GRIK1: variants seen among roughly 807,000 people sequenced by gnomAD.
GRIK1 encodes glutamate receptor ionotropic, kainate 1.
Under a neutral mutation model 105.7 loss-of-function variants are expected in GRIK1, and 69 were observed. That is an observed-to-expected ratio of 0.65 (90% CI 0.54 to 0.80). The LOEUF (loss-of-function observed/expected upper bound fraction) is 0.80, where lower values mean the gene tolerates loss of function less well. GRIK1 is among the 30% of genes least tolerant of loss of function. The pLI is 0.00. For missense variants in GRIK1, 1,109 were observed against 1,167.3 expected (o/e 0.95, Z 0.73); for synonymous variants, 438 against 431.3 (o/e 1.02, Z -0.19).
At chr21:29,917,432 A>G (rs954943408) in intron 1 of GRIK1, among the ~76,000 whole-genome samples, 7 of 152,044 alleles carry the variant, frequency 4.6e-5, no homozygotes, top group African/African-American at 1.7e-4. Flanking sequence ...GACATTTTAA[A>G]CATAACAATT....
intron 1 of GRIK1, chr21:29,763,487 A>T (rs1172694666): frequency 6.6e-6 from 1 of 152,382 alleles, no homozygotes; most frequent in Admixed American, 6.5e-5. Context: ...TGGTCAAATT[A>T]TTTGAGGAGT....
intron 1 of GRIK1, among the ~76,000 whole-genome samples, chr21:29,931,621 A>G (rs778746238): frequency 6.6e-6 from 1 of 152,152 alleles, no homozygotes; most frequent in Non-Finnish European, 1.5e-5. Flanking sequence ...TTCCAGCACT[A>G]TAAGATCCTC....
At chr21:29,770,035 G>A (rs771789994) in intron 1 of GRIK1, among the ~76,000 whole-genome samples, 1 of 152,172 alleles carries the variant, frequency 6.6e-6, no homozygotes, top group Non-Finnish European at 1.5e-5. Context: ...TCAACGTCCA[G>A]ATAAATTCCC....
At chr21:29,932,358 T>A (rs1163441958) in intron 1 of GRIK1, among the ~76,000 whole-genome samples, 1 of 152,160 alleles carries the variant, frequency 6.6e-6, no homozygotes, top group Non-Finnish European at 1.5e-5. Flanking sequence ...TTGTGACTAA[T>A]CTTACCTTAG....
At chr21:29,711,972 A>G (rs1009715399) in intron 1 of GRIK1, among the ~76,000 whole-genome samples, 8 of 151,902 alleles carry the variant, frequency 5.3e-5, no homozygotes, top group Non-Finnish European at 1.0e-4. Context: ...TCTAGTACCT[A>G]GAGAGTTACT....
chr21:29,560,364 TCTTCCTTC>T (rs376778152), intron 15 of GRIK1, among the ~76,000 whole-genome samples: 589 of 35,866 alleles, frequency 0.016, 69 homozygotes, highest in Middle Eastern at 0.061. Flanking sequence ...TCTTTTTCTT[TCTTCCTTC>T]CTTCCTTCCT....
chr21:29,537,817 TG>T lies in GRIK1; in HGVS notation c.2674del (p.Gln892LysfsTer5). 6.6e-7 allele frequency: 1 copy of T among 1,522,018 alleles called. No individual in the cohort carries two copies. Among genetic ancestry groups the T allele is most frequent in the Non-Finnish European group, 9.1e-7 (1 of 1,097,296 alleles). 94.3% of individuals were successfully genotyped at this position (1,522,018 alleles called of 1,614,324 possible). A position where few individuals can be genotyped will look rare whatever the true frequency, so the allele number is the denominator to read the frequency against. On this transcript the variant is annotated frameshift_variant, in exon 17 of 18. Transcript: ENST00000327783. LOFTEE classifies it high-confidence loss of function. ...ACAAACCTTCTCTACACCAAGGCTT[TG>T]TTTTTTTCTCCCATGAAACCTTACT... ...NKVRFHGRKKQSLGVEKCLSF... is the reference protein window; with the variant it reads ...NKVRFHGRKKXSLGVEKCLSF...
intron 1 of GRIK1, among the ~76,000 whole-genome samples, chr21:29,883,331 T>C (rs1185270981): frequency 1.3e-5 from 2 of 152,028 alleles, no homozygotes; most frequent in African/African-American, 4.8e-5. Flanking sequence ...GTGAGTCAAA[T>C]AAAAATAATG....
intron 1 of GRIK1, among the ~76,000 whole-genome samples, chr21:29,800,241 A>G (rs456130): frequency 0.15 from 23,337 of 152,230 alleles, 1,771 homozygotes; most frequent in Non-Finnish European, 0.16. Flanking sequence ...TAGGCATGCA[A>G]CAATTCAATG....
chr21:29,791,980 C>A (rs1269531278), intron 1 of GRIK1, among the ~76,000 whole-genome samples: 4 of 151,904 alleles, frequency 2.6e-5, no homozygotes, highest in African/African-American at 9.7e-5. Flanking sequence ...GCTGATTTAA[C>A]AACATAATTT....
rs186343001 is a variant in GRIK1 at position 29,759,738 on chromosome 21, G to A, written c.119-65675C>T. ...TTTAATTTTAGGTAGAATGCATTTC[G>A]TTAGCTCTATCTGGTTTATCTTTGA... On this transcript the variant is annotated intron_variant, in intron 1 of 17. Transcript: ENST00000327783. Among the ~76,000 whole-genome samples, 67 of 152,304 alleles carry A rather than the reference G, an allele frequency of 4.4e-4. No individual in the cohort carries two copies. In the East Asian group the frequency reaches 9.7e-3, roughly 22 times the overall value.
chr21:29,707,631 G>A (rs1201377942), intron 1 of GRIK1, among the ~76,000 whole-genome samples: 3 of 151,854 alleles, frequency 2.0e-5, no homozygotes, highest in Non-Finnish European at 4.4e-5. Flanking sequence ...GAGTAGTTGG[G>A]CCTACAGGCG....
chr21:29,625,218 T>A (rs759317789), intron 7 of GRIK1, among the ~76,000 whole-genome samples: 2 of 152,088 alleles, frequency 1.3e-5, no homozygotes, highest in Non-Finnish European at 2.9e-5. Flanking sequence ...ACGGGCAACA[T>A]AATTAACTTT....
chr21:29,712,498 C>T (rs961623024), intron 1 of GRIK1, among the ~76,000 whole-genome samples: 2 of 151,964 alleles, frequency 1.3e-5, no homozygotes, highest in African/African-American at 4.8e-5. Flanking sequence ...TACATGCCTA[C>T]CACGAGTGTA....
At chr21:29,936,632 T>C (rs567713916) in intron 1 of GRIK1, among the ~76,000 whole-genome samples, 2 of 152,360 alleles carry the variant, frequency 1.3e-5, no homozygotes, top group East Asian at 3.9e-4. Flanking sequence ...ACCACTATCC[T>C]ACCGACCTTC....
chr21:29,825,925 C>T (rs1248360702), intron 1 of GRIK1, among the ~76,000 whole-genome samples: 1 of 152,046 alleles, frequency 6.6e-6, no homozygotes, highest in Non-Finnish European at 1.5e-5. Flanking sequence ...ACAAACCTGC[C>T]TGGTCTTGTT....
intron 1 of GRIK1, among the ~76,000 whole-genome samples, chr21:29,791,873 T>TGG (rs2066428011): frequency 6.6e-6 from 1 of 152,190 alleles, no homozygotes; most frequent in African/African-American, 2.4e-5. Flanking sequence ...GAGCTTTCTG[T>TGG]GGGCCTATGT....
chr21:29,768,427 G>A (rs1425395235), intron 1 of GRIK1, among the ~76,000 whole-genome samples: 2 of 152,230 alleles, frequency 1.3e-5, no homozygotes, highest in South Asian at 2.1e-4. Context: ...AGAGAAAGAC[G>A]ATACAACGAT....
chr21:29,782,493 C>A (rs7277120), intron 1 of GRIK1, among the ~76,000 whole-genome samples: 2 of 152,114 alleles, frequency 1.3e-5, no homozygotes, highest in Non-Finnish European at 2.9e-5. Flanking sequence ...TTCAGAAGGG[C>A]AAGGGGTGGT....
Sources: allele counts gnomAD v4.1 joint callset (sites outside exome capture counted in the v4.1 genomes callset), GRCh38; gene constraint gnomAD v4.1.1; transcripts MANE v1.5; gene names NCBI Gene and HGNC (gene_info 2026-07-23, HGNC 2026-07-21).